B3GAT2: variants seen among roughly 807,000 people sequenced by gnomAD.
B3GAT2 encodes the protein galactosylgalactosylxylosylprotein 3-beta-glucuronosyltransferase 2.
In B3GAT2, 26 loss-of-function variants were observed where a neutral mutation model predicts 27.8. The ratio of observed to expected loss-of-function variants is 0.93; its 90% CI spans 0.68 to 1.30. The LOEUF is 1.30. Among genes scored for constraint, B3GAT2 ranks in the 50% most tolerant of loss-of-function variants. The pLI is 0.00. For missense variants in B3GAT2, 458 were observed against 459.0 expected, an observed-to-expected ratio of 1.00 and a Z score of 0.02; for synonymous variants, 218 against 195.1, an observed-to-expected ratio of 1.12 and a Z score of -0.98.
chr6:70,875,329 G>C (rs905786336), intron 2 of B3GAT2, among the ~76,000 whole-genome samples: 8 of 152,066 alleles, frequency 5.3e-5, no homozygotes, highest in Non-Finnish European at 5.9e-5. Context: ...AACTATCCAA[G>C]TGAGAAACAA....
chr6:70,865,848 G>T (rs1771840404), intron 2 of B3GAT2, among the ~76,000 whole-genome samples: 1 of 152,164 alleles, frequency 6.6e-6, no homozygotes, highest in Admixed American at 6.5e-5. Flanking sequence ...ATGAGACAGA[G>T]ATCTCTGAGA....
intron 2 of B3GAT2, among the ~76,000 whole-genome samples, chr6:70,871,154 A>AT (rs71538446): frequency 3.2e-4 from 41 of 127,702 alleles, no homozygotes; most frequent in African/African-American, 5.2e-4. Context: ...CTTTACTAGT[A>AT]TTTTTTTTTT....
At chr6:70,943,691 G>T (rs762646495) in intron 1 of B3GAT2, among the ~76,000 whole-genome samples, 1 of 152,088 alleles carries the variant, frequency 6.6e-6, no homozygotes. Context: ...ATACTAACTT[G>T]GCAGTTTTTA....
chr6:70,943,369 C>T, intron 1 of B3GAT2, among the ~76,000 whole-genome samples: 1 of 152,226 alleles, frequency 6.6e-6, no homozygotes, highest in East Asian at 1.9e-4. Context: ...CCAAGCACAT[C>T]TCTGTTCCCA....
intron 1 of B3GAT2, among the ~76,000 whole-genome samples, chr6:70,894,835 C>T (rs1008580067): frequency 6.6e-6 from 1 of 152,198 alleles, no homozygotes; most frequent in Non-Finnish European, 1.5e-5. Flanking sequence ...ATTTGCCTGC[C>T]TTTTAAGGGC....
At chr6:70,949,397 C>G (rs1427410094) in intron 1 of B3GAT2, among the ~76,000 whole-genome samples, 1 of 152,212 alleles carries the variant, frequency 6.6e-6, no homozygotes, top group African/African-American at 2.4e-5. Flanking sequence ...GGGTGAAGGA[C>G]ATGAACAGAC....
intron 1 of B3GAT2, among the ~76,000 whole-genome samples, chr6:70,928,339 C>T (rs1772998559): frequency 6.6e-6 from 1 of 150,850 alleles, no homozygotes; most frequent in South Asian, 2.1e-4. Context: ...AAGATCAGAC[C>T]AGAACTGAAG....
Position 70,956,350 on chromosome 6 carries a change from G to T in B3GAT2, c.80C>A (p.Thr27Lys), listed in dbSNP as rs766587551. The T allele has an allele frequency of 2.5e-6, 4 of 1,568,904 alleles. No homozygotes were observed. In the South Asian group the frequency reaches 4.6e-5, roughly 18 times the overall value. ...GGTGAGCGGGGGCACTGGCCTGCGCGTGTCCACGTCGAGCATGATGATGAC... is the reference window on the plus strand; with the variant it reads ...GGTGAGCGGGGGCACTGGCCTGCGCTTGTCCACGTCGAGCATGATGATGAC... The part of the protein sequence containing the change: ...LIVIIMLDVD[T>K]RRPVPPLTPR... The change falls in exon 1 of 4, where the codon ACG becomes AAG. Residue 27 changes from threonine to lysine, a missense_variant. By Grantham distance (78) the Thr-to-Lys change is moderately conservative. Transcript: ENST00000230053.
At chr6:70,924,733 T>A (rs1174113386) in intron 1 of B3GAT2, among the ~76,000 whole-genome samples, 1 of 152,188 alleles carries the variant, frequency 6.6e-6, no homozygotes, top group African/African-American at 2.4e-5. Flanking sequence ...TCAAGCTAAC[T>A]TTGGAAGAAA....
chr6:70,876,024 G>A (rs1168543195), intron 2 of B3GAT2, among the ~76,000 whole-genome samples: 1 of 152,106 alleles, frequency 6.6e-6, no homozygotes, highest in Non-Finnish European at 1.5e-5. Context: ...TTATTTTTTA[G>A]TGGGCACAAC....
At chr6:70,908,693 A>G (rs1182687030) in intron 1 of B3GAT2, among the ~76,000 whole-genome samples, 2 of 152,250 alleles carry the variant, frequency 1.3e-5, no homozygotes, top group African/African-American at 4.8e-5. Context: ...ACATTGGAAT[A>G]GATGACTAAG....
intron 1 of B3GAT2, among the ~76,000 whole-genome samples, chr6:70,941,788 T>TA (rs1226394421): frequency 1.3e-5 from 2 of 152,196 alleles, no homozygotes; most frequent in Admixed American, 1.3e-4. Flanking sequence ...AAGTGTCTTA[T>TA]AATTCATTCA....
chr6:70,933,333 T>C (rs925470099), intron 1 of B3GAT2, among the ~76,000 whole-genome samples: 5 of 152,022 alleles, frequency 3.3e-5, no homozygotes, highest in African/African-American at 1.2e-4. Flanking sequence ...CTTATCAGTA[T>C]ACAAAGCAGG....
At chr6:70,913,183 T>C (rs1772715441) in intron 1 of B3GAT2, among the ~76,000 whole-genome samples, 1 of 152,156 alleles carries the variant, frequency 6.6e-6, no homozygotes, top group Non-Finnish European at 1.5e-5. Flanking sequence ...GTTCTTGTTT[T>C]GGTTCTTTTC....
chr6:70,907,172 T>C (rs1209438182), intron 1 of B3GAT2, among the ~76,000 whole-genome samples: 2 of 152,180 alleles, frequency 1.3e-5, no homozygotes, highest in Non-Finnish European at 2.9e-5. Context: ...AAGAGGGTGA[T>C]GGTCTCTCAA....
intron 1 of B3GAT2, among the ~76,000 whole-genome samples, chr6:70,923,277 G>T (rs1013742195): frequency 1.3e-5 from 2 of 152,098 alleles, no homozygotes; most frequent in African/African-American, 4.8e-5. Flanking sequence ...TCTATCATCA[G>T]CCCAGCCCTG....
At position 70,861,826 on chromosome 6, in the gene B3GAT2, A is replaced by T; in HGVS notation, c.885+4T>A. On this transcript the variant is annotated splice_donor_region_variant and intron_variant, in intron 3 of 3. Coordinates refer to ENST00000230053, the MANE Select transcript of B3GAT2 (RefSeq NM_080742.3). ...AGGTCGGGCAGCACAAGTGTAATGA[A>T]TACCTTAGTGCAGTTATTTGCTTTC... is the stretch of plus-strand genomic sequence containing the variant. 1 of 1,614,028 alleles carries T rather than the reference A, an allele frequency of 6.2e-7. No homozygotes were observed. The highest frequency in any genetic ancestry group is 8.5e-7 in the Non-Finnish European group (1 of 1,179,962).
chr6:70,894,294 G>A, intron 1 of B3GAT2, 22 bp from the exon 2 acceptor site: 1 of 1,545,400 alleles, frequency 6.5e-7, no homozygotes, highest in Non-Finnish European at 8.7e-7. Context: ...GAAAAGACAT[G>A]TGTTTTAAGT....
intron 1 of B3GAT2, among the ~76,000 whole-genome samples, 187 bp downstream of exon 1, chr6:70,955,652 C>T (rs773395135): frequency 4.7e-4 from 71 of 152,236 alleles, no homozygotes; most frequent in Non-Finnish European, 8.2e-4. Flanking sequence ...AGCCCCTCCA[C>T]CCCCACGGCC....
Sources: gnomAD v4.1 joint callset for allele counts (sites outside exome capture counted in the v4.1 genomes callset) on GRCh38, gnomAD v4.1.1 for gene constraint, MANE v1.5 for transcripts, NCBI Gene and HGNC (gene_info 2026-07-23, HGNC 2026-07-21) for gene names.